DIP2C: variants seen among roughly 807,000 people sequenced by gnomAD.
DIP2C encodes disco-interacting protein 2 homolog C.
A neutral mutation model predicts 192.4 loss-of-function variants in DIP2C; 33 were observed. The ratio of observed to expected loss-of-function variants is 0.17; its 90% CI spans 0.13 to 0.23. The LOEUF (loss-of-function observed/expected upper bound fraction) is 0.23. DIP2C is among the 10% of genes least tolerant of loss of function. The pLI is 1.00. For missense variants in DIP2C, 1,537 were observed against 2,110.1 expected, an observed-to-expected ratio of 0.73 and a Z score of 5.32; for synonymous variants, 979 against 864.1, an observed-to-expected ratio of 1.13 and a Z score of -2.33.
At chr10:386,097 A>C (rs1962878169) in intron 14 of DIP2C, among the ~76,000 whole-genome samples, 1 of 152,148 alleles carries the variant, frequency 6.6e-6, no homozygotes, top group African/African-American at 2.4e-5. Context: ...GAGGCCTCGA[A>C]AGCAGGGCTG....
At chr10:658,328 T>C (rs1856536972) in intron 1 of DIP2C, among the ~76,000 whole-genome samples, 1 of 151,306 alleles carries the variant, frequency 6.6e-6, no homozygotes, top group Non-Finnish European at 1.5e-5. Context: ...ATGCTGGACC[T>C]GACACTGGAC....
chr10:563,816 C>G (rs1849332597), intron 1 of DIP2C, among the ~76,000 whole-genome samples: 1 of 152,126 alleles, frequency 6.6e-6, no homozygotes, highest in Non-Finnish European at 1.5e-5. Flanking sequence ...TAGTCAAGAA[C>G]AAGTTCAGAC....
chr10:337,509 CT>C (rs1957894239), intron 29 of DIP2C, among the ~76,000 whole-genome samples: 1 of 121,024 alleles, frequency 8.3e-6, no homozygotes, highest in African/African-American at 3.2e-5. Context: ...CCTAGACAGT[CT>C]GTGTGTGTGT....
intron 24 of DIP2C, among the ~76,000 whole-genome samples, chr10:353,538 T>G (rs2132659951): frequency 6.6e-6 from 1 of 152,294 alleles, no homozygotes; most frequent in African/African-American, 2.4e-5. Flanking sequence ...TACAGGCATG[T>G]GCCAAAACAC....
At chr10:629,814 G>A (rs1854409051) in intron 1 of DIP2C, 1 of 152,364 alleles carries the variant, frequency 6.6e-6, no homozygotes, top group East Asian at 1.9e-4. Context: ...GAGCCACTCA[G>A]CCGAGAATGT....
intron 31 of DIP2C, among the ~76,000 whole-genome samples, chr10:314,229 C>T (rs1420644790): frequency 6.6e-6 from 1 of 152,138 alleles, no homozygotes; most frequent in Middle Eastern, 3.2e-3. Flanking sequence ...TGATGTACTC[C>T]CAGTGATCTT....
At chr10:681,827 T>G (rs1831145403) in intron 1 of DIP2C, among the ~76,000 whole-genome samples, 1 of 152,254 alleles carries the variant, frequency 6.6e-6, no homozygotes, top group South Asian at 2.1e-4. Flanking sequence ...GCCTTCCTCC[T>G]CTTCAGAGCT....
rs1380096055 is a variant in DIP2C, at chr10:661,965, T to C, written c.85+27529A>G. On this transcript the variant is annotated intron_variant, in intron 1 of 36. Transcript: ENST00000280886. ...CCTCTTCCCCTCCTGACCCAGGCAC[T>C]GAATCGCTCAGCTCACTGGCTGCCT... 12 of 703,936 alleles carry C rather than the reference T, an allele frequency of 1.7e-5. 1 individual carries two copies. In the East Asian group the frequency reaches 3.2e-4, roughly 19 times the overall value. 43.6% of individuals were successfully genotyped at this position (703,936 alleles called of 1,614,324 possible).
intron 1 of DIP2C, among the ~76,000 whole-genome samples, chr10:521,882 A>G (rs1588378477): frequency 2.0e-5 from 3 of 147,382 alleles, no homozygotes; most frequent in African/African-American, 7.5e-5. Flanking sequence ...TCATTCCCCC[A>G]CCCCCACCGG....
chr10:571,365 C>T (rs911429788), intron 1 of DIP2C, among the ~76,000 whole-genome samples: 1 of 152,198 alleles, frequency 6.6e-6, no homozygotes, highest in Admixed American at 6.5e-5. Context: ...GCCGCCTCTC[C>T]TGGAAAATCA....
Position 649,056 on chromosome 10 carries a change from T to C in DIP2C, c.85+40438A>G, listed in dbSNP as rs1167421883. On this transcript the variant is annotated intron_variant, in intron 1 of 36. Transcript: ENST00000280886. ...GAGGGAAACTGAGTCCACGTCCACATTGGATGGTGGGAGAGAACATAGGGA... is the reference window on the plus strand; with the variant it reads ...GAGGGAAACTGAGTCCACGTCCACACTGGATGGTGGGAGAGAACATAGGGA... 4.7e-5 allele frequency among the ~76,000 whole-genome samples: 7 copies of C among 147,648 alleles called. 1 individual carries two copies. Among genetic ancestry groups the C allele is most frequent in the South Asian group, 4.4e-4 (2 of 4,572 alleles).
At chr10:316,454 C>A (rs936582445) in intron 31 of DIP2C, among the ~76,000 whole-genome samples, 7 of 152,212 alleles carry the variant, frequency 4.6e-5, no homozygotes, top group Non-Finnish European at 7.3e-5. Flanking sequence ...TTCAGTCTCA[C>A]CCCCAGCTTC....
chr10:449,181 C>G (rs1426175100), intron 3 of DIP2C, among the ~76,000 whole-genome samples: 7 of 151,980 alleles, frequency 4.6e-5, no homozygotes, highest in Non-Finnish European at 8.8e-5. Flanking sequence ...TGTCAATACT[C>G]AGGATCACAT....
chr10:457,555 ATTCT>A (rs1204970931), intron 3 of DIP2C, among the ~76,000 whole-genome samples: 1 of 152,130 alleles, frequency 6.6e-6, no homozygotes, highest in Non-Finnish European at 1.5e-5. Flanking sequence ...GCAAGATTAA[ATTCT>A]TTTTTTTCTT....
rs777194576 is a variant in DIP2C, at chr10:651,662, C to T, written c.85+37832G>A. 2 of 348,008 alleles carry T rather than the reference C, an allele frequency of 5.7e-6. No individual in the cohort carries two copies. The highest frequency in any genetic ancestry group is 4.5e-5 in the South Asian group (2 of 44,436). 21.6% of individuals were successfully genotyped at this position (348,008 alleles called of 1,614,324 possible). A position where few individuals can be genotyped will look rare whatever the true frequency, so the allele number is the denominator to read the frequency against. On this transcript the variant is annotated intron_variant, in intron 1 of 36. Transcript: ENST00000280886. This position sits in a 1 kb window ranked among gnomAD's most constrained non-coding sequence, Gnocchi z 4.1. ...TTGAACATTTATTTGAGTGAATTCA[C>T]GTCCCCCAAATTTTCCGTATCCCAA...
intron 1 of DIP2C, among the ~76,000 whole-genome samples, chr10:670,724 A>G (rs1830592772): frequency 6.6e-6 from 1 of 152,246 alleles, no homozygotes; most frequent in Admixed American, 6.5e-5. Flanking sequence ...GTCTAAAAAT[A>G]TAAGATAACA....
intron 1 of DIP2C, among the ~76,000 whole-genome samples, chr10:600,727 GTC>G (rs1264823345): frequency 1.2e-4 from 18 of 152,356 alleles, no homozygotes; most frequent in Non-Finnish European, 1.9e-4. Context: ...GATTTTCACA[GTC>G]TCATTTCATT....
chr10:661,903 G>C (rs892114882), intron 1 of DIP2C: 1 of 639,070 alleles, frequency 1.6e-6, no homozygotes, highest in African/African-American at 1.8e-5. Flanking sequence ...CCGACCTCAG[G>C]GTGTAGACTC....
intron 1 of DIP2C, among the ~76,000 whole-genome samples, chr10:600,726 A>G (rs1852013842): frequency 6.6e-6 from 1 of 152,232 alleles, no homozygotes; most frequent in Admixed American, 6.5e-5. Flanking sequence ...AGATTTTCAC[A>G]GTCTCATTTC....
Sources: allele counts gnomAD v4.1 joint callset (sites outside exome capture counted in the v4.1 genomes callset), GRCh38; gene constraint gnomAD v4.1.1; non-coding constraint Gnocchi (gnomAD v3.1); transcripts MANE v1.5; gene names NCBI Gene and HGNC (gene_info 2026-07-23, HGNC 2026-07-21).